The following CCDC92 variants were observed in gnomAD, a reference collection of about 807,000 sequenced individuals.
The protein encoded by CCDC92 is coiled-coil domain-containing protein 92.
A neutral mutation model predicts 24.9 loss-of-function variants in CCDC92; 12 were observed. The ratio of observed to expected loss-of-function variants is 0.48; its 90% CI spans 0.31 to 0.78. The LOEUF is 0.78. Ranked by LOEUF, CCDC92 falls within the 30% of genes least tolerant of loss-of-function variation. The pLI is 0.05. For synonymous variants in CCDC92, 193 were observed against 196.3 expected, an observed-to-expected ratio of 0.98 and a Z score of 0.14; for missense variants, 399 against 439.4, an observed-to-expected ratio of 0.91 and a Z score of 0.82.
At chr12:123,964,824 GAAT>G (rs1393431066) in intron 1 of CCDC92, among the ~76,000 whole-genome samples, 4 of 152,152 alleles carry the variant, frequency 2.6e-5, no homozygotes, top group Non-Finnish European at 4.4e-5. Flanking sequence ...TCCATTAGCT[GAAT>G]AATGTTTCAA....
In CCDC92 at chr12:123,937,139, G is replaced by C. The variant is rs746738016; in HGVS notation, c.915C>G (p.Pro305=). 8 of 1,613,194 alleles carry C rather than the reference G, an allele frequency of 5.0e-6. No homozygotes were observed. The Admixed American group carries it at 1.0e-4, about 20-fold the overall frequency. ...GGTCGACCGCCAGGGTCTTCACCTC[G>C]GGCTGGGCCTGCGGCGGGGTGGCGT... ...IHHATPPQAQ[P]EVKTLAVDQV... The change falls in exon 5 of 5, where the codon CCC becomes CCG. Residue 305 remains proline (P), a synonymous_variant. Transcript: ENST00000238156. This position sits in a 1 kb window ranked among gnomAD's most constrained non-coding sequence, Gnocchi z 8.4.
chr12:123,972,007 C>T (rs1431733452), intron 1 of CCDC92: 1 of 152,328 alleles, frequency 6.6e-6, no homozygotes. Flanking sequence ...GCCTCCTCCC[C>T]ACAGCATCCC....
chr12:123,937,750 T>G lies in CCDC92; in HGVS notation c.304A>C (p.Asn102His). ...TCCAGTTCTTTCAACAACTCAGCAT[T>G]TTCGTTCTCTTTCACTTTCAGTTGG... ...EAQLKVKENE[N>H]AELLKELEQK... Residue 102 changes from asparagine (N) to histidine (H), a missense_variant, in exon 5 of 5, where the codon AAT (asparagine) becomes CAT (histidine). By Grantham distance (68) the Asn-to-His change is moderately conservative (BLOSUM62 1). Transcript: ENST00000238156. The surrounding 1 kb of genome is among the most constrained non-coding windows in gnomAD (Gnocchi z 8.4). The G allele has an allele frequency of 6.2e-7, 1 of 1,614,066 alleles. No individual in the cohort carries two copies. The highest frequency in any genetic ancestry group is 2.2e-5 in the East Asian group (1 of 44,888).
Position 123,936,794 on chromosome 12 carries a change from C to T in CCDC92, c.*264G>A, listed in dbSNP as rs553190714. The T allele has an allele frequency of 1.8e-5, 10 of 570,862 alleles. No homozygotes were observed. The highest frequency in any genetic ancestry group is 6.4e-5 in the South Asian group (3 of 46,748). 35.4% of individuals were successfully genotyped at this position (570,862 alleles called of 1,614,324 possible). On this transcript the variant is annotated 3_prime_UTR_variant, in exon 5 of 5. Transcript: ENST00000238156. ...GCCGTGGCCTGGGCTTTGCCTGCAG[C>T]GCACTTAGGTTACACGGAGCGGGAT...
chr12:123,972,126 T>TC (rs960689492), intron 1 of CCDC92: 4 of 151,834 alleles, frequency 2.6e-5, no homozygotes, highest in African/African-American at 9.7e-5. Flanking sequence ...GACCGGCCTC[T>TC]CCTCCCCCTT....
At chr12:123,965,351 G>A (rs1956367558) in intron 1 of CCDC92, among the ~76,000 whole-genome samples, 1 of 152,180 alleles carries the variant, frequency 6.6e-6, no homozygotes, top group Non-Finnish European at 1.5e-5. Flanking sequence ...CAATAAAGAG[G>A]AATCTTGATT....
chr12:123,969,720 A>G (rs573411277), intron 1 of CCDC92, among the ~76,000 whole-genome samples: 1 of 152,140 alleles, frequency 6.6e-6, no homozygotes, highest in African/African-American at 2.4e-5. Flanking sequence ...CCTCGGCCTC[A>G]GGAGTGAGCC....
Position 123,956,259 on chromosome 12 carries a change from CTT to C in CCDC92, c.-59-11897_-59-11896del, listed in dbSNP as rs1021851954. The C allele has an allele frequency of 5.1e-4, 77 of 152,242 alleles. No individual in the cohort carries two copies. In the Middle Eastern group the frequency reaches 0.01, roughly 20 times the overall value. The allele number at this position is 152,242 out of a possible 1,614,324, so 9.4% of individuals were successfully genotyped here. The stretch of plus-strand genomic sequence containing the variant: ...AGTACCAATATTTTTAAAAGATAAA[CTT>C]ATATTTTTAAGAGGGCATTTACCAT... On this transcript the variant is annotated intron_variant, in intron 1 of 4. Transcript: ENST00000238156.
chr12:123,937,670 C>T lies in CCDC92; in HGVS notation c.384G>A (p.Lys128=). The T allele has an allele frequency of 1.2e-6, 2 of 1,614,114 alleles. No individual in the cohort carries two copies. Among genetic ancestry groups the T allele is most frequent in the South Asian group, 1.1e-5 (1 of 91,082 alleles). The change falls in exon 5 of 5, where the codon AAG becomes AAA. Residue 128 remains lysine (K), a synonymous_variant. Coordinates refer to ENST00000238156, the MANE Select transcript of CCDC92 (RefSeq NM_025140.3). This position sits in a 1 kb window ranked among gnomAD's most constrained non-coding sequence, Gnocchi z 8.4. The part of the protein sequence containing the change: ...VLENTIKERE[K]KYLEELKAKS... ...TGGCCTTCAGCTCCTCCAGGTACTT[C>T]TTCTCTCGCTCCTTGATGGTGTTCT...
In CCDC92 at chr12:123,937,015, T is replaced by C. The variant is rs1365725189; in HGVS notation, c.*43A>G. The C allele has an allele frequency of 8.1e-6, 13 of 1,605,666 alleles. No individual in the cohort carries two copies. The highest frequency in any genetic ancestry group is 1.1e-5 in the Non-Finnish European group (13 of 1,175,764). On this transcript the variant is annotated 3_prime_UTR_variant, in exon 5 of 5. Coordinates refer to ENST00000238156, the MANE Select transcript of CCDC92 (RefSeq NM_025140.3). The surrounding 1 kb of genome is among the most constrained non-coding windows in gnomAD (Gnocchi z 8.4). Reference sequence around the variant, plus strand: ...AGGTGTGGCTGAGATTTCCCAGTGGTGCTCACAGTGCATGGACAGCGCGGG... The same window carrying C: ...AGGTGTGGCTGAGATTTCCCAGTGGCGCTCACAGTGCATGGACAGCGCGGG...
intron 1 of CCDC92, chr12:123,961,068 A>G (rs888041119): frequency 3.3e-5 from 5 of 152,254 alleles, no homozygotes; most frequent in African/African-American, 1.2e-4. Flanking sequence ...CTCAGCAACT[A>G]AAGTACAAAG....
intron 1 of CCDC92, among the ~76,000 whole-genome samples, chr12:123,967,120 T>G (rs1956411020): frequency 6.6e-6 from 1 of 152,054 alleles, no homozygotes; most frequent in African/African-American, 2.4e-5. Context: ...ATTCCTCACT[T>G]GAAATCACAT....
intron 1 of CCDC92, chr12:123,962,867 C>A (rs1956305254): frequency 1.3e-5 from 2 of 151,458 alleles, no homozygotes. Flanking sequence ...TTTAAAAAAT[C>A]TAAAGAACAG....
rs1268551160 is a variant in CCDC92, at chr12:123,936,992, G to A, written c.*66C>T. ...GCATGCATGGGATTAAACAGAAAAG[G>A]TGTGGCTGAGATTTCCCAGTGGTGC... On this transcript the variant is annotated 3_prime_UTR_variant, in exon 5 of 5. Coordinates refer to ENST00000238156, the MANE Select transcript of CCDC92 (RefSeq NM_025140.3). The A allele has an allele frequency of 4.6e-5, 72 of 1,563,414 alleles. No individual in the cohort carries two copies. Among genetic ancestry groups the A allele is most frequent in the Non-Finnish European group, 6.2e-5 (71 of 1,143,094 alleles).
intron 1 of CCDC92, among the ~76,000 whole-genome samples, chr12:123,964,106 T>A (rs1956336431): frequency 6.6e-6 from 1 of 152,206 alleles, no homozygotes; most frequent in Admixed American, 6.5e-5. Flanking sequence ...GAAATTGAAG[T>A]AATTAGTGCT....
chr12:123,943,917 A>T, intron 2 of CCDC92: 1 of 455,036 alleles, frequency 2.2e-6, no homozygotes, highest in Non-Finnish European at 3.9e-6. Flanking sequence ...TCCACGCACC[A>T]CCTCACCCCA....
At chr12:123,940,835 CCT>C (rs1955662195) in intron 4 of CCDC92, among the ~76,000 whole-genome samples, 1 of 135,412 alleles carries the variant, frequency 7.4e-6, no homozygotes, top group Non-Finnish European at 1.7e-5. Context: ...TATGCTGTAC[CCT>C]GGGTCCCGAA....
chr12:123,958,778 C>T (rs1420499973), intron 1 of CCDC92, among the ~76,000 whole-genome samples: 3 of 152,154 alleles, frequency 2.0e-5, no homozygotes, highest in Non-Finnish European at 1.5e-5. Context: ...CTTAATCTGC[C>T]TTATTGAGAT....
In CCDC92 at chr12:123,935,883, G is replaced by A; in HGVS notation, c.*1175C>T. On this transcript the variant is annotated 3_prime_UTR_variant, in exon 5 of 5. Coordinates refer to ENST00000238156, the MANE Select transcript of CCDC92 (RefSeq NM_025140.3). ...GCAGATGCTCCTTTTTGGCAAGAAG[G>A]GCTGATGATGTCGGGCACAGAGCAG... is the stretch of plus-strand genomic sequence containing the variant. 6.1e-6 allele frequency: 1 copy of A among 165,098 alleles called. No individual in the cohort carries two copies. Among genetic ancestry groups the A allele is most frequent in the East Asian group, 1.7e-4 (1 of 5,992 alleles). 10.2% of individuals were successfully genotyped at this position (165,098 alleles called of 1,614,324 possible).
Sources: gnomAD v4.1 joint callset for allele counts (sites outside exome capture counted in the v4.1 genomes callset) on GRCh38, gnomAD v4.1.1 for gene constraint, Gnocchi (gnomAD v3.1) non-coding constraint, MANE v1.5 for transcripts, NCBI Gene and HGNC (gene_info 2026-07-23, HGNC 2026-07-21) for gene names.